The following NCOA3 variants were observed in gnomAD, a reference collection of about 807,000 sequenced individuals.
NCOA3 encodes CBP-interacting protein.
A neutral mutation model predicts 158.8 loss-of-function variants in NCOA3; 51 were observed. The observed-to-expected ratio is 0.32, with a 90% CI of 0.26 to 0.41. The LOEUF is 0.41. NCOA3 is among the 10% of genes least tolerant of loss of function. The probability of loss-of-function intolerance (pLI) is 1.00; values close to 1 mark genes in which losing one functional copy is unlikely to be tolerated. For synonymous variants in NCOA3, 537 were observed against 592.4 expected (o/e 0.91, Z 1.36); for missense variants, 1,510 against 1,746.6 (o/e 0.86, Z 2.41).
intron 2 of NCOA3, among the ~76,000 whole-genome samples, chr20:47,609,852 T>C (rs1177283062): frequency 6.6e-6 from 1 of 152,234 alleles, no homozygotes; most frequent in Admixed American, 6.5e-5. Flanking sequence ...AATTGAATGA[T>C]GTACTTCTCC....
At chr20:47,562,883 T>C (rs2085130065) in intron 1 of NCOA3, among the ~76,000 whole-genome samples, 1 of 152,182 alleles carries the variant, frequency 6.6e-6, no homozygotes, top group African/African-American at 2.4e-5. Flanking sequence ...TTTAATAATA[T>C]TTTAGAGGCT....
chr20:47,566,801 C>T (rs1012257910), intron 1 of NCOA3, among the ~76,000 whole-genome samples: 15 of 152,088 alleles, frequency 9.9e-5, no homozygotes, highest in East Asian at 1.9e-4. Flanking sequence ...TGAGCCACTG[C>T]GCCTAGCCCT....
chr20:47,530,157 G>C (rs2084521903), intron 1 of NCOA3, among the ~76,000 whole-genome samples: 1 of 152,198 alleles, frequency 6.6e-6, no homozygotes, highest in Admixed American at 6.5e-5. Context: ...CCTGAATAGT[G>C]TGGCCATAAA....
At chr20:47,596,113 G>A (rs1232881779) in intron 2 of NCOA3, among the ~76,000 whole-genome samples, 1 of 152,206 alleles carries the variant, frequency 6.6e-6, no homozygotes, top group African/African-American at 2.4e-5. Flanking sequence ...TTCGTATAGT[G>A]TACCTGCTCC....
Position 47,633,652 on chromosome 20 carries a change from G to A in NCOA3, c.964+16G>A, listed in dbSNP as rs373813143. 552 of 1,607,190 alleles carry A rather than the reference G, an allele frequency of 3.4e-4. 1 individual carries two copies. The highest frequency in any genetic ancestry group is 4.6e-4 in the Non-Finnish European group (542 of 1,178,096). The stretch of plus-strand genomic sequence containing the variant: ...TATCAAGAAGGTAAAGAATTTTGGG[G>A]TTGATTGTTCTTATCATTTTATTCT... On this transcript the variant is annotated intron_variant, in intron 9 of 22. Transcript: ENST00000371998.
At chr20:47,651,381 TCTTTA>T in intron 20 of NCOA3, 105 bp downstream of exon 20, 6 of 1,487,820 alleles carry the variant, frequency 4.0e-6, no homozygotes, top group South Asian at 1.4e-5. Context: ...ATTCACTCCC[TCTTTA>T]CTTCACAAGG....
chr20:47,509,062 G>T lies in NCOA3; in HGVS notation c.-99+7043G>T, dbSNP rs1449801407. Among the ~76,000 whole-genome samples the T allele has an allele frequency of 2.0e-5, 3 of 152,234 alleles. No individual in the cohort carries two copies. The East Asian group carries it at 5.8e-4, about 29-fold the overall frequency. ...TAAATGAATTAAGCTCTTTATACCA[G>T]ATAACCGTGTGAAGTTAGATGCAGC... On this transcript the variant is annotated intron_variant, in intron 1 of 22. Transcript: ENST00000371998.
chr20:47,591,324 C>T (rs1383654261), intron 2 of NCOA3, among the ~76,000 whole-genome samples: 1 of 152,160 alleles, frequency 6.6e-6, no homozygotes, highest in African/African-American at 2.4e-5. Flanking sequence ...AAAATGTTAG[C>T]TCAGTAGTTC....
chr20:47,548,716 G>A (rs2084877043), intron 1 of NCOA3, among the ~76,000 whole-genome samples: 1 of 152,058 alleles, frequency 6.6e-6, no homozygotes, highest in East Asian at 1.9e-4. Context: ...TTTTTATTCT[G>A]TTTCAGCAAA....
At chr20:47,571,180 T>G (rs987586673) in intron 1 of NCOA3, among the ~76,000 whole-genome samples, 3 of 151,500 alleles carry the variant, frequency 2.0e-5, no homozygotes, top group Admixed American at 6.6e-5. Context: ...AATTTTTGTA[T>G]TTTTAGTAGA....
intron 16 of NCOA3, among the ~76,000 whole-genome samples, chr20:47,641,518 T>TTTTTTTA (rs2086610125): frequency 8.0e-6 from 1 of 124,608 alleles, no homozygotes; most frequent in Non-Finnish European, 1.7e-5. Context: ...TTTTTTTTTT[T>TTTTTTTA]GAGACAAAGT....
intron 1 of NCOA3, among the ~76,000 whole-genome samples, chr20:47,521,333 G>A (rs2084329633): frequency 6.6e-6 from 1 of 151,802 alleles, no homozygotes; most frequent in Non-Finnish European, 1.5e-5. Flanking sequence ...AATAGCACTC[G>A]AATATAAGAT....
chr20:47,632,930 C>T (rs899385841), intron 8 of NCOA3, among the ~76,000 whole-genome samples: 1 of 152,148 alleles, frequency 6.6e-6, no homozygotes, highest in African/African-American at 2.4e-5. Context: ...ATCTGCCTGC[C>T]TTGGCCTCCC....
chr20:47,502,937 A>C (rs1397427992), intron 1 of NCOA3, among the ~76,000 whole-genome samples: 1 of 152,096 alleles, frequency 6.6e-6, no homozygotes, highest in African/African-American at 2.4e-5. Context: ...ATGACACGGA[A>C]GCTATGAGAT....
At chr20:47,617,676 G>A (rs559049284) in intron 2 of NCOA3, among the ~76,000 whole-genome samples, 26 of 152,210 alleles carry the variant, frequency 1.7e-4, no homozygotes, top group Non-Finnish European at 3.1e-4. Flanking sequence ...TGAAGGGTTA[G>A]TCATAGTCAT....
chr20:47,544,722 T>A (rs2084801215), intron 1 of NCOA3, among the ~76,000 whole-genome samples: 1 of 152,174 alleles, frequency 6.6e-6, no homozygotes, highest in South Asian at 2.1e-4. Context: ...TTTTCCAGTT[T>A]TTATCTCTTC....
rs567067954 is a variant in NCOA3, at chr20:47,591,746, T to C, written c.-20+8485T>C. Among the ~76,000 whole-genome samples the C allele has an allele frequency of 2.6e-3, 304 of 115,266 alleles. 1 individual carries two copies. Among genetic ancestry groups the C allele is most frequent in the African/African-American group, 7.3e-3 (199 of 27,148 alleles). The allele number at this position is 115,266 out of a possible 152,430, so 75.6% of individuals were successfully genotyped here. On this transcript the variant is annotated intron_variant, in intron 2 of 22. Coordinates refer to ENST00000371998, the MANE Select transcript of NCOA3 (RefSeq NM_181659.3). ...TCTGTGGTGTTGTAACCTCCTCCCC[T>C]TTTTTTTTTTGAAGAGTTGATTTTT...
chr20:47,610,213 T>C (rs1377409960), intron 2 of NCOA3, among the ~76,000 whole-genome samples: 3 of 152,164 alleles, frequency 2.0e-5, no homozygotes, highest in African/African-American at 7.2e-5. Context: ...CTTCTAGGGA[T>C]ATGGAAACTA....
At chr20:47,647,482 G>T in intron 18 of NCOA3, 116 bp downstream of exon 18, 1 of 966,884 alleles carries the variant, frequency 1.0e-6, no homozygotes, top group South Asian at 1.7e-5. Flanking sequence ...AATTCTTTTT[G>T]TTTTACTTCT....
Sources: gnomAD v4.1 joint callset for allele counts (sites outside exome capture counted in the v4.1 genomes callset) on GRCh38, gnomAD v4.1.1 for gene constraint, MANE v1.5 for transcripts, NCBI Gene and HGNC (gene_info 2026-07-23, HGNC 2026-07-21) for gene names.